LIPA: variants seen among roughly 807,000 people sequenced by gnomAD.
The protein encoded by LIPA is lipase A, lysosomal acid type.
A neutral mutation model predicts 40.6 loss-of-function variants in LIPA; 26 were observed. The ratio of observed to expected loss-of-function variants is 0.64; its 90% confidence interval spans 0.47 to 0.89. The LOEUF is 0.89. LIPA is among the 40% of genes least tolerant of loss of function. The pLI is 0.00. For synonymous variants in LIPA, 188 were observed against 168.4 expected (o/e 1.12, Z -0.90); for missense variants, 455 against 479.6 (o/e 0.95, Z 0.48).
chr10:89,361,021 C>T (rs909005513), intron 2 of LIPA, among the ~76,000 whole-genome samples: 1 of 152,130 alleles, frequency 6.6e-6, no homozygotes, highest in African/African-American at 2.4e-5. Flanking sequence ...TGTCTCATTT[C>T]CTCTCCTTAT....
intron 1 of LIPA, among the ~76,000 whole-genome samples, chr10:89,318,571 T>G (rs1044813001): frequency 6.6e-6 from 1 of 152,146 alleles, no homozygotes; most frequent in African/African-American, 2.4e-5. Context: ...AGCAAGTCCT[T>G]AGAGACCTAC....
intron 2 of LIPA, among the ~76,000 whole-genome samples, chr10:89,361,475 CT>C (rs1844021304): frequency 6.6e-6 from 1 of 152,162 alleles, no homozygotes; most frequent in Non-Finnish European, 1.5e-5. Context: ...TGAGAAAGAG[CT>C]TCTCCTTGCC....
intron 2 of LIPA, chr10:89,392,564 C>CTTA (rs74945792): frequency 0.2 from 143,651 of 721,382 alleles, 17,467 homozygotes; most frequent in East Asian, 0.43. Context: ...ACACCCACAG[C>CTTA]TTACACCATT....
intron 2 of LIPA, among the ~76,000 whole-genome samples, chr10:89,354,688 C>G (rs1266957964): frequency 6.6e-6 from 1 of 152,184 alleles, no homozygotes; most frequent in Non-Finnish European, 1.5e-5. Context: ...CTGCTTCAGC[C>G]TCCCGAGTAG....
chr10:89,344,306 T>C (rs931590636), upstream of LIPA, among the ~76,000 whole-genome samples: 6 of 152,178 alleles, frequency 3.9e-5, no homozygotes, highest in Admixed American at 6.5e-5. Flanking sequence ...TAAGCATGTG[T>C]TCATTTGTGT....
intron 2 of LIPA, among the ~76,000 whole-genome samples, chr10:89,377,707 A>G (rs953861356): frequency 1.3e-5 from 2 of 152,196 alleles, no homozygotes; most frequent in African/African-American, 2.4e-5. Context: ...ACCTGGCGGG[A>G]TACATGTGAT....
At chr10:89,222,399 A>G (rs1458881059) in intron 8 of LIPA, 112 bp downstream of exon 8, 1 of 773,824 alleles carries the variant, frequency 1.3e-6, no homozygotes, top group African/African-American at 1.7e-5. Context: ...GGGGAAGAAA[A>G]CCAGATCAGA....
intron 2 of LIPA, chr10:89,403,521 G>A (rs777657919): frequency 3.7e-6 from 6 of 1,613,742 alleles, no homozygotes; most frequent in Non-Finnish European, 4.2e-6. Context: ...ATTAACAAGG[G>A]ATAAAAGTAT....
chr10:89,226,871 T>C (rs1273099168), intron 5 of LIPA, 24 bp downstream of exon 5: 2 of 1,302,920 alleles, frequency 1.5e-6, no homozygotes, highest in East Asian at 4.6e-5. Flanking sequence ...TTATATCAAC[T>C]TCTGATCTTA....
At chr10:89,227,155 A>G (rs956002266) in intron 4 of LIPA, 151 bp from the exon 5 acceptor site, 1 of 668,192 alleles carries the variant, frequency 1.5e-6, no homozygotes, top group Non-Finnish European at 2.7e-6. Flanking sequence ...AGGACTGCAG[A>G]AGCCCCCTTG....
At chr10:89,266,928 C>T (rs181086797) in intron 1 of LIPA, among the ~76,000 whole-genome samples, 230 of 152,342 alleles carry the variant, frequency 1.5e-3, no homozygotes, top group Non-Finnish European at 2.7e-3. Context: ...TACCATGCAA[C>T]ATGCTTTACA....
chr10:89,225,306 G>A (rs1050297797), intron 5 of LIPA, 78 bp from the exon 6 acceptor site: 18 of 1,570,518 alleles, frequency 1.1e-5, no homozygotes, highest in Non-Finnish European at 1.4e-5. Flanking sequence ...GCCGTCACTC[G>A]CGACGCCCTC....
chr10:89,297,058 T>C (rs1054070498), intron 1 of LIPA, among the ~76,000 whole-genome samples: 1 of 152,086 alleles, frequency 6.6e-6, no homozygotes, highest in African/African-American at 2.4e-5. Context: ...ATAGAACATC[T>C]AGGAGACAAC....
chr10:89,364,276 G>A (rs1844043414), intron 2 of LIPA, among the ~76,000 whole-genome samples: 2 of 152,166 alleles, frequency 1.3e-5, no homozygotes, highest in Admixed American at 1.3e-4. Context: ...GCACCTGCCA[G>A]ACCAATCAGA....
chr10:89,365,634 G>A (rs1844051124), intron 2 of LIPA, among the ~76,000 whole-genome samples: 1 of 152,012 alleles, frequency 6.6e-6, no homozygotes, highest in African/African-American at 2.4e-5. Flanking sequence ...TGTATAAGGT[G>A]TAAGGAAGGG....
chr10:89,382,885 T>C (rs1844173676), intron 2 of LIPA, among the ~76,000 whole-genome samples: 1 of 152,236 alleles, frequency 6.6e-6, no homozygotes, highest in East Asian at 1.9e-4. Context: ...AAAACCAAAA[T>C]GTGTTTACGT....
At chr10:89,297,774 A>C (rs1202896094) in intron 1 of LIPA, among the ~76,000 whole-genome samples, 1 of 152,120 alleles carries the variant, frequency 6.6e-6, no homozygotes, top group Non-Finnish European at 1.5e-5. Flanking sequence ...ACATGTAGAG[A>C]GCAGAGCCCC....
intron 2 of LIPA, chr10:89,402,433 G>A: frequency 6.2e-7 from 1 of 1,614,172 alleles, no homozygotes; most frequent in Non-Finnish European, 8.5e-7. Context: ...TACAGTGTGG[G>A]AATACACAAC....
At chr10:89,347,643 T>C (rs7099681), upstream of LIPA, among the ~76,000 whole-genome samples, 10,539 of 152,284 alleles carry the variant, frequency 0.069, 916 homozygotes, top group African/African-American at 0.2. Flanking sequence ...TTCCAATACA[T>C]TCAGTATTTA....
Sources: allele counts gnomAD v4.1 joint callset (sites outside exome capture counted in the v4.1 genomes callset), GRCh38; gene constraint gnomAD v4.1.1; transcripts MANE v1.5; gene names NCBI Gene and HGNC (gene_info 2026-07-23, HGNC 2026-07-21).